Variants in PRKCA observed in about 807,000 individuals in gnomAD.
The protein encoded by PRKCA is protein kinase C alpha type.
In PRKCA, 27 loss-of-function variants were observed where a neutral mutation model predicts 87.0. The ratio of observed to expected loss-of-function variants is 0.31; its 90% CI spans 0.23 to 0.43. PRKCA has a LOEUF of 0.43. PRKCA is among the 20% of genes least tolerant of loss of function. The pLI, the probability that PRKCA is intolerant of heterozygous loss-of-function variation, is 1.00. For synonymous variants in PRKCA, 329 were observed against 311.1 expected (o/e 1.06, Z -0.61); for missense variants, 518 against 852.3 (o/e 0.61, Z 4.88).
intron 2 of PRKCA, among the ~76,000 whole-genome samples, chr17:66,388,048 A>G (rs1259951528): frequency 1.3e-5 from 2 of 152,090 alleles, no homozygotes; most frequent in South Asian, 2.1e-4. Context: ...CTCAGCTTCA[A>G]CATAGCAGAG....
chr17:66,484,586 C>G lies in PRKCA; in HGVS notation c.206-11615C>G, dbSNP rs558742792. Among the ~76,000 whole-genome samples, 4 of 152,246 alleles carry G rather than the reference C, an allele frequency of 2.6e-5. No individual in the cohort carries two copies. In the East Asian group the frequency reaches 7.7e-4, roughly 29 times the overall value. ...TCAATAATTTCCCAATGTTCTTCAGCTAATGGAGAAAAAGAGTTTGACCAC... is the reference window on the plus strand; with the variant it reads ...TCAATAATTTCCCAATGTTCTTCAGGTAATGGAGAAAAAGAGTTTGACCAC... On this transcript the variant is annotated intron_variant, in intron 2 of 16. Transcript: ENST00000413366.
chr17:66,510,276 C>T (rs181611071), intron 3 of PRKCA, among the ~76,000 whole-genome samples: 149 of 152,178 alleles, frequency 9.8e-4, no homozygotes, highest in Middle Eastern at 3.4e-3. Context: ...ATTTTGTTTT[C>T]GGGGGGAAAA....
At chr17:66,438,943 G>A (rs1913563303) in intron 2 of PRKCA, among the ~76,000 whole-genome samples, 1 of 152,050 alleles carries the variant, frequency 6.6e-6, no homozygotes, top group African/African-American at 2.4e-5. Context: ...AATTTGGGTG[G>A]GGACACAGCC....
intron 3 of PRKCA, among the ~76,000 whole-genome samples, chr17:66,591,761 A>G (rs534156516): frequency 1.3e-5 from 2 of 152,256 alleles, no homozygotes; most frequent in South Asian, 2.1e-4. Flanking sequence ...CTGGAAGCCT[A>G]TGTCCAGAGC....
At chr17:66,352,170 G>T (rs1907781878) in intron 2 of PRKCA, among the ~76,000 whole-genome samples, 1 of 152,202 alleles carries the variant, frequency 6.6e-6, no homozygotes, top group Non-Finnish European at 1.5e-5. Context: ...CCAGAGTCTG[G>T]AAGCTATTTC....
intron 13 of PRKCA, among the ~76,000 whole-genome samples, chr17:66,752,571 C>G (rs1974461196): frequency 1.3e-5 from 2 of 152,176 alleles, no homozygotes; most frequent in South Asian, 4.1e-4. Context: ...GCTCTCCAGC[C>G]TGGGCAACAG....
intron 13 of PRKCA, among the ~76,000 whole-genome samples, chr17:66,765,900 C>T (rs745370896): frequency 7.9e-5 from 12 of 152,170 alleles, no homozygotes; most frequent in Non-Finnish European, 1.8e-4. Context: ...AATGAATTTG[C>T]AGCGGTGAGG....
chr17:66,634,340 C>T (rs1006373159), intron 3 of PRKCA, among the ~76,000 whole-genome samples: 2 of 152,138 alleles, frequency 1.3e-5, no homozygotes, highest in African/African-American at 4.8e-5. Flanking sequence ...CTGTATTTTT[C>T]CCTCTTTCGT....
chr17:66,676,108 C>T (rs1220795646), intron 5 of PRKCA, among the ~76,000 whole-genome samples: 1 of 152,110 alleles, frequency 6.6e-6, no homozygotes, highest in Non-Finnish European at 1.5e-5. Context: ...TGACTTGTGG[C>T]GACGTGAGGG....
rs1387808439 is a variant in PRKCA, at chr17:66,808,365, A to G, written c.*4328A>G. 6.9e-6 allele frequency: 1 copy of G among 144,676 alleles called. No homozygotes were observed. The highest frequency in any genetic ancestry group is 2.6e-5 in the African/African-American group (1 of 38,110). 9.0% of individuals were successfully genotyped at this position (144,676 alleles called of 1,614,324 possible). The stretch of plus-strand genomic sequence containing the variant: ...GGAATTTGTTTTCTCAGTACTGAAA[A>G]GAGAAAAAGTGACAATCTTGTATTT... On this transcript the variant is annotated 3_prime_UTR_variant, in exon 17 of 17. Coordinates refer to ENST00000413366, the MANE Select transcript of PRKCA (RefSeq NM_002737.3).
intron 3 of PRKCA, among the ~76,000 whole-genome samples, chr17:66,539,611 A>G (rs1426324827): frequency 1.3e-5 from 2 of 152,022 alleles, no homozygotes; most frequent in African/African-American, 4.8e-5. Flanking sequence ...TCACTGTGTT[A>G]GCCAGGATAG....
chr17:66,385,918 C>G (rs1311006809), intron 2 of PRKCA, among the ~76,000 whole-genome samples: 1 of 152,140 alleles, frequency 6.6e-6, no homozygotes, highest in Non-Finnish European at 1.5e-5. Context: ...CCACCACACC[C>G]AGCTAATTTT....
intron 2 of PRKCA, among the ~76,000 whole-genome samples, chr17:66,336,650 T>TAAAC (rs1281376668): frequency 3.8e-5 from 5 of 132,044 alleles, no homozygotes; most frequent in African/African-American, 8.1e-5. Flanking sequence ...AGTAAATTAT[T>TAAAC]AAACATTTGC....
At chr17:66,347,728 T>C (rs1907477913) in intron 2 of PRKCA, among the ~76,000 whole-genome samples, 1 of 152,096 alleles carries the variant, frequency 6.6e-6, no homozygotes, top group Non-Finnish European at 1.5e-5. Context: ...TAGATGCACA[T>C]TTTCTAAGAT....
chr17:66,425,953 C>T (rs1912781878), intron 2 of PRKCA, among the ~76,000 whole-genome samples: 1 of 152,090 alleles, frequency 6.6e-6, no homozygotes, highest in South Asian at 2.1e-4. Flanking sequence ...CCTCCGTGAC[C>T]ATGCTTTGTG....
At chr17:66,400,068 AT>A (rs1910928894) in intron 2 of PRKCA, among the ~76,000 whole-genome samples, 1 of 152,104 alleles carries the variant, frequency 6.6e-6, no homozygotes, top group East Asian at 1.9e-4. Flanking sequence ...ACATCATTCT[AT>A]TTTTTTAATC....
At chr17:66,778,429 T>C (rs1479049295) in intron 14 of PRKCA, among the ~76,000 whole-genome samples, 1 of 151,974 alleles carries the variant, frequency 6.6e-6, no homozygotes, top group Non-Finnish European at 1.5e-5. Flanking sequence ...GGCAGGAGAA[T>C]GGCGTGAACC....
At chr17:66,746,365 AT>A (rs1211421562) in intron 13 of PRKCA, among the ~76,000 whole-genome samples, 1 of 151,604 alleles carries the variant, frequency 6.6e-6, no homozygotes, top group Non-Finnish European at 1.5e-5. Flanking sequence ...GTGTTCAGTA[AT>A]TTGGCATATT....
intron 2 of PRKCA, among the ~76,000 whole-genome samples, chr17:66,433,669 C>G (rs558028122): frequency 6.6e-6 from 1 of 152,136 alleles, no homozygotes; most frequent in Non-Finnish European, 1.5e-5. Context: ...CACAGCCTCC[C>G]GAGTAGCTGG....
Sources: gnomAD v4.1 joint callset for allele counts (sites outside exome capture counted in the v4.1 genomes callset) on GRCh38, gnomAD v4.1.1 for gene constraint, MANE v1.5 for transcripts, NCBI Gene and HGNC (gene_info 2026-07-23, HGNC 2026-07-21) for gene names.